The following DOCK9 variants were observed in gnomAD, a reference collection of about 807,000 sequenced individuals.
DOCK9 encodes dedicator of cytokinesis protein 9.
In DOCK9, 89 loss-of-function variants were observed where a neutral mutation model predicts 263.3. The observed-to-expected ratio is 0.34, with a 90% CI of 0.28 to 0.40. The LOEUF (loss-of-function observed/expected upper bound fraction) is 0.40, where lower values mean the gene tolerates loss of function less well. Among genes scored for constraint, DOCK9 ranks in the 10% least tolerant of loss-of-function variants. DOCK9 has a pLI of 1.00. For synonymous variants in DOCK9, 976 were observed against 973.1 expected (o/e 1.00, Z -0.06); for missense variants, 2,140 against 2,603.4 (o/e 0.82, Z 3.87).
chr13:98,832,326 T>A (rs893686608), intron 39 of DOCK9, among the ~76,000 whole-genome samples: 2 of 152,130 alleles, frequency 1.3e-5, no homozygotes, highest in African/African-American at 4.8e-5. Context: ...TAGGCATGAA[T>A]TTGCACAGGT....
At chr13:98,831,090 T>A (rs1464332799) in intron 41 of DOCK9, among the ~76,000 whole-genome samples, 1 of 152,226 alleles carries the variant, frequency 6.6e-6, no homozygotes, top group African/African-American at 2.4e-5. Flanking sequence ...TAACACTTCT[T>A]GATTCAATGG....
intron 38 of DOCK9, among the ~76,000 whole-genome samples, chr13:98,840,164 G>A (rs956532666): frequency 6.6e-5 from 10 of 152,210 alleles, no homozygotes; most frequent in Non-Finnish European, 1.3e-4. Flanking sequence ...ACCAACACAG[G>A]AAAATGAAGC....
chr13:99,056,153 T>C (rs2040911825), intron 1 of DOCK9, among the ~76,000 whole-genome samples: 1 of 152,248 alleles, frequency 6.6e-6, no homozygotes, highest in Non-Finnish European at 1.5e-5. Context: ...ATTTTTTTCC[T>C]GTAAACGGAG....
chr13:99,010,061 C>T (rs935209370), intron 1 of DOCK9, among the ~76,000 whole-genome samples: 1 of 151,906 alleles, frequency 6.6e-6, no homozygotes, highest in African/African-American at 2.4e-5. Context: ...GCTGCATTAT[C>T]CCAACATGTC....
At chr13:99,026,944 A>C (rs1340201707) in intron 1 of DOCK9, among the ~76,000 whole-genome samples, 2 of 152,230 alleles carry the variant, frequency 1.3e-5, no homozygotes, top group Admixed American at 1.3e-4. Context: ...AGTGTGCTAC[A>C]CGGGAATGAA....
chr13:98,843,017 T>C (rs2093275361), intron 38 of DOCK9, among the ~76,000 whole-genome samples: 1 of 152,154 alleles, frequency 6.6e-6, no homozygotes, highest in Non-Finnish European at 1.5e-5. Flanking sequence ...CTGTTACCAG[T>C]GGTGATGGGG....
At chr13:98,885,640 T>A (rs1347395415) in intron 20 of DOCK9, 68 bp downstream of exon 20, 3 of 1,497,308 alleles carry the variant, frequency 2.0e-6, no homozygotes, top group African/African-American at 1.4e-5. Flanking sequence ...AAATTCAGAA[T>A]CTTAATACAA....
chr13:98,829,004 T>C lies in DOCK9; in HGVS notation c.4965+303A>G, dbSNP rs1422356113. ...GGAATTCATTTGATCATAAAATAGC[T>C]GAATTTTAGAACTACAGAGGAATTT... On this transcript the variant is annotated intron_variant, in intron 43 of 52. Transcript: ENST00000682017. The surrounding 1 kb of genome is among the most constrained non-coding windows in gnomAD (Gnocchi z 4.1). Among the ~76,000 whole-genome samples, 2 of 152,226 alleles carry C rather than the reference T, an allele frequency of 1.3e-5. No homozygotes were observed. The highest frequency in any genetic ancestry group is 2.9e-5 in the Non-Finnish European group (2 of 68,044).
At chr13:99,059,627 C>T (rs967870407) in intron 1 of DOCK9, among the ~76,000 whole-genome samples, 3 of 152,210 alleles carry the variant, frequency 2.0e-5, no homozygotes, top group Non-Finnish European at 4.4e-5. Context: ...GGCTCTCAAC[C>T]AACCTCAGGA....
At chr13:98,988,468 G>A (rs1017914525) in intron 1 of DOCK9, among the ~76,000 whole-genome samples, 25 of 152,150 alleles carry the variant, frequency 1.6e-4, no homozygotes, top group African/African-American at 5.6e-4. Context: ...TTACAAAGGA[G>A]GACAGCGAGA....
intron 9 of DOCK9, among the ~76,000 whole-genome samples, chr13:98,910,101 T>C (rs2049774477): frequency 6.6e-6 from 1 of 152,098 alleles, no homozygotes; most frequent in African/African-American, 2.4e-5. Flanking sequence ...GAAGAAAACA[T>C]AAGGTGGGTT....
intron 15 of DOCK9, among the ~76,000 whole-genome samples, chr13:98,894,882 G>A (rs1422756788): frequency 3.5e-5 from 5 of 144,224 alleles, no homozygotes; most frequent in African/African-American, 5.1e-5. Flanking sequence ...GCTGAGGCGG[G>A]CAGATTGCCT....
At chr13:98,805,538 G>A (rs1044542782) in intron 48 of DOCK9, among the ~76,000 whole-genome samples, 2 of 151,832 alleles carry the variant, frequency 1.3e-5, no homozygotes, top group African/African-American at 2.4e-5. Flanking sequence ...TTCTATAACC[G>A]CAATACATTA....
upstream of DOCK9, chr13:99,086,738 G>T: frequency 6.8e-6 from 1 of 147,100 alleles, no homozygotes; most frequent in South Asian, 1.9e-4. Flanking sequence ...GACGGCGGAG[G>T]AGGGGCCGCC....
chr13:98,839,703 G>T (rs1004402307), intron 38 of DOCK9, among the ~76,000 whole-genome samples: 11 of 152,248 alleles, frequency 7.2e-5, no homozygotes, highest in Non-Finnish European at 2.9e-5. Flanking sequence ...AACTCCCATA[G>T]AATTTAACTA....
At chr13:99,062,060 C>T (rs1442082997) in intron 1 of DOCK9, among the ~76,000 whole-genome samples, 2 of 151,832 alleles carry the variant, frequency 1.3e-5, no homozygotes, top group African/African-American at 2.4e-5. Context: ...TTTGTAGAGA[C>T]GGGCTCTCGC....
chr13:99,067,275 G>A (rs949249608), intron 1 of DOCK9, among the ~76,000 whole-genome samples: 3 of 152,148 alleles, frequency 2.0e-5, no homozygotes, highest in Admixed American at 1.3e-4. Flanking sequence ...GACAACCTGA[G>A]ACCTACTCAA....
At chr13:98,831,913 T>C (rs2092778611) in intron 39 of DOCK9, 127 bp from the exon 40 acceptor site, 1 of 1,144,946 alleles carries the variant, frequency 8.7e-7, no homozygotes, top group African/African-American at 1.6e-5. Flanking sequence ...AAACTCTGCC[T>C]TGAATCCTCT....
chr13:98,808,744 C>A (rs1033869825), intron 47 of DOCK9: 9 of 965,822 alleles, frequency 9.3e-6, no homozygotes, highest in Non-Finnish European at 1.4e-5. Context: ...AAACCACACG[C>A]CCTAAATATA....
Sources: gnomAD v4.1 joint callset for allele counts (sites outside exome capture counted in the v4.1 genomes callset) on GRCh38, gnomAD v4.1.1 for gene constraint, Gnocchi (gnomAD v3.1) non-coding constraint, MANE v1.5 for transcripts, NCBI Gene and HGNC (gene_info 2026-07-23, HGNC 2026-07-21) for gene names.